Variants in SNX2 observed in about 807,000 individuals in gnomAD.
SNX2 encodes sorting nexin 2, also known as sorting nexin-2.
SNX2 carries 25 observed loss-of-function variants against 69.9 expected under a neutral mutation model. That is an observed-to-expected ratio of 0.36 (90% CI 0.26 to 0.50). The LOEUF (loss-of-function observed/expected upper bound fraction) is 0.50, where lower values mean the gene tolerates loss of function less well. SNX2 is among the 20% of genes least tolerant of loss of function. The pLI is 0.97. For synonymous variants in SNX2, 229 were observed against 200.4 expected (o/e 1.14, Z -1.20); for missense variants, 551 against 613.3 (o/e 0.90, Z 1.07).
At chr5:122,781,455 A>C (rs1752979646) in intron 1 of SNX2, among the ~76,000 whole-genome samples, 1 of 152,218 alleles carries the variant, frequency 6.6e-6, no homozygotes, top group Non-Finnish European at 1.5e-5. Flanking sequence ...TTTATGAATA[A>C]AGCAATATAA....
At chr5:122,811,792 G>A (rs995056256) in intron 7 of SNX2, among the ~76,000 whole-genome samples, 1 of 151,068 alleles carries the variant, frequency 6.6e-6, no homozygotes, top group African/African-American at 2.4e-5. Flanking sequence ...GTGCCACTGC[G>A]TTCCAGCCTG....
At chr5:122,818,472 G>C (rs910044247) in intron 10 of SNX2, among the ~76,000 whole-genome samples, 9 of 152,168 alleles carry the variant, frequency 5.9e-5, no homozygotes, top group African/African-American at 1.9e-4. Flanking sequence ...AGTATTACCA[G>C]TTCTTCTCAT....
At position 122,834,408 on chromosome 5, in the gene SNX2, A is replaced by T. The variant is rs1301131148; in HGVS notation, c.*4760A>T. ...GTAACTGAAGCCAGTCAAGGTGAAT[A>T]CACAGAAAATCATTTTCTTATTAAG... On this transcript the variant is annotated 3_prime_UTR_variant, in exon 15 of 15. Transcript: ENST00000379516. 1 of 152,352 alleles carries T rather than the reference A, an allele frequency of 6.6e-6. No individual in the cohort carries two copies. Among genetic ancestry groups the T allele is most frequent in the East Asian group, 1.9e-4 (1 of 5,192 alleles). 9.4% of individuals were successfully genotyped at this position (152,352 alleles called of 1,614,324 possible).
In SNX2 at chr5:122,833,794, T is replaced by C. The variant is rs1754347733; in HGVS notation, c.*4146T>C. ...TGTGGAAATGAAAATGCAGAGTAAGTCCAACAGCTAGTTTATCATCCTGAA... is the reference window on the plus strand; with the variant it reads ...TGTGGAAATGAAAATGCAGAGTAAGCCCAACAGCTAGTTTATCATCCTGAA... On this transcript the variant is annotated 3_prime_UTR_variant, in exon 15 of 15. Coordinates refer to ENST00000379516, the MANE Select transcript of SNX2 (RefSeq NM_003100.4). The C allele has an allele frequency of 6.6e-6, 1 of 151,804 alleles. No homozygotes were observed. Among genetic ancestry groups the C allele is most frequent in the Admixed American group, 6.6e-5 (1 of 15,244 alleles). 9.4% of individuals were successfully genotyped at this position (151,804 alleles called of 1,614,324 possible). A position where few individuals can be genotyped will look rare whatever the true frequency, so the allele number is the denominator to read the frequency against.
At position 122,830,348 on chromosome 5, in the gene SNX2, T is replaced by C. The variant is rs1429364069; in HGVS notation, c.*700T>C. On this transcript the variant is annotated 3_prime_UTR_variant, in exon 15 of 15. Coordinates refer to ENST00000379516, the MANE Select transcript of SNX2 (RefSeq NM_003100.4). Reference sequence around the variant, plus strand: ...GGGTAAAGAAGAGAATAATTGTCTTTGCTTGTTTTTAACCATCTCTATTAC... The same window carrying C: ...GGGTAAAGAAGAGAATAATTGTCTTCGCTTGTTTTTAACCATCTCTATTAC... 2.0e-5 allele frequency among the ~76,000 whole-genome samples: 3 copies of C among 152,186 alleles called. No homozygotes were observed. Among genetic ancestry groups the C allele is most frequent in the Non-Finnish European group, 2.9e-5 (2 of 68,012 alleles).
intron 2 of SNX2, among the ~76,000 whole-genome samples, chr5:122,796,540 A>G (rs1180868151): frequency 1.3e-5 from 2 of 152,214 alleles, no homozygotes; most frequent in African/African-American, 4.8e-5. Flanking sequence ...GTAATATTTC[A>G]GTATTTGTTA....
rs1388810103 is a variant in SNX2 at position 122,827,606 on chromosome 5, T to A, written c.1469T>A (p.Ile490Asn). The change falls in exon 14 of 15, where the codon ATC becomes AAC. Residue 490 changes from isoleucine (I) to asparagine (N), a missense_variant. This residue lies in a region of SNX2 where 360 missense variants were observed against 450.4 expected (regional missense o/e 0.80). Transcript: ENST00000379516. ...KERVKDFKTV[I>N]IKYLESLVQT... ...CGAGTGAAGGATTTTAAAACCGTTA[T>A]CATCAAGTACTTAGAATCACTAGTT... 1 of 1,613,478 alleles carries A rather than the reference T, an allele frequency of 6.2e-7. No homozygotes were observed. The highest frequency in any genetic ancestry group is 8.5e-7 in the Non-Finnish European group (1 of 1,179,574).
rs1448938010 is a variant in SNX2, at chr5:122,830,251, A to G, written c.*603A>G. 1 of 152,408 alleles carries G rather than the reference A, an allele frequency of 6.6e-6. No homozygotes were observed. Among genetic ancestry groups the G allele is most frequent in the African/African-American group, 2.4e-5 (1 of 41,456 alleles). The allele number at this position is 152,408 out of a possible 1,614,324, so 9.4% of individuals were successfully genotyped here. On this transcript the variant is annotated 3_prime_UTR_variant, in exon 15 of 15. Coordinates refer to ENST00000379516, the MANE Select transcript of SNX2 (RefSeq NM_003100.4). ...TAATTGACAAAGCTGAACTCATTAAATGACTAAATGAAGCTTAAGTTTTCT... is the reference window on the plus strand; with the variant it reads ...TAATTGACAAAGCTGAACTCATTAAGTGACTAAATGAAGCTTAAGTTTTCT...
intron 11 of SNX2, among the ~76,000 whole-genome samples, chr5:122,821,287 A>T (rs1414289016): frequency 2.0e-5 from 3 of 152,094 alleles, no homozygotes; most frequent in African/African-American, 7.2e-5. Flanking sequence ...AGAATTAGCT[A>T]TGCATGTACA....
chr5:122,806,103 T>TGTGTGC (rs1554063131), intron 6 of SNX2, among the ~76,000 whole-genome samples: 3 of 91,120 alleles, frequency 3.3e-5, no homozygotes, highest in Non-Finnish European at 6.6e-5. Flanking sequence ...TATGTGTGTG[T>TGTGTGC]GTGTGTGTGC....
chr5:122,811,042 A>G (rs192807855), intron 7 of SNX2, among the ~76,000 whole-genome samples: 37 of 149,772 alleles, frequency 2.5e-4, no homozygotes, highest in African/African-American at 9.1e-4. Flanking sequence ...GATATTTCTT[A>G]AACTTTAAAC....
chr5:122,786,994 T>A (rs1753105420), intron 1 of SNX2, among the ~76,000 whole-genome samples: 1 of 152,178 alleles, frequency 6.6e-6, no homozygotes, highest in Non-Finnish European at 1.5e-5. Context: ...AGAATACAGA[T>A]GTCTACTCAG....
intron 11 of SNX2, 124 bp from the exon 12 acceptor site, chr5:122,825,926 T>G: frequency 1.3e-6 from 1 of 784,000 alleles, no homozygotes; most frequent in South Asian, 3.7e-5. Context: ...TTTCAGTATC[T>G]TAGTATATTA....
intron 1 of SNX2, among the ~76,000 whole-genome samples, chr5:122,791,056 T>G (rs1226805470): frequency 6.6e-6 from 1 of 152,132 alleles, no homozygotes; most frequent in Admixed American, 6.5e-5. Flanking sequence ...AAGTTTTTTA[T>G]CATTAATAGA....
Position 122,817,319 on chromosome 5 carries a change from C to T in SNX2, c.952C>T (p.Gln318Ter). 1 of 1,613,976 alleles carries T rather than the reference C, an allele frequency of 6.2e-7. No individual in the cohort carries two copies. Among genetic ancestry groups the T allele is most frequent in the Non-Finnish European group, 8.5e-7 (1 of 1,179,936 alleles). ...EKQQQFENLD[Q>*]QLRKLHVSVE... ...GCAGCAGCAATTTGAGAATCTGGAT[C>T]AGCAACTTAGGAAACTTCATGTCAG... Residue 318 changes from glutamine (Q) to a stop codon, truncating the protein, a stop_gained, in exon 10 of 15, where the codon CAG becomes TAG. Transcript: ENST00000379516. LOFTEE classifies it high-confidence loss of function.
At chr5:122,817,402 A>T in intron 10 of SNX2, 29 bp downstream of exon 10, 1 of 1,401,164 alleles carries the variant, frequency 7.1e-7, no homozygotes, top group Non-Finnish European at 1.0e-6. Flanking sequence ...TTACGTAGTT[A>T]GCACCATAAA....
chr5:122,821,455 C>CTT (rs761842728), intron 11 of SNX2, among the ~76,000 whole-genome samples: 1 of 138,108 alleles, frequency 7.2e-6, no homozygotes, highest in African/African-American at 2.7e-5. Context: ...AAGTAGATGT[C>CTT]CTTTTTTTTT....
At chr5:122,812,782 C>T (rs563808144) in intron 7 of SNX2, among the ~76,000 whole-genome samples, 25 of 152,302 alleles carry the variant, frequency 1.6e-4, no homozygotes, top group Middle Eastern at 3.4e-3. Context: ...AGTAAGAGCT[C>T]AGTAAGTATT....
intron 6 of SNX2, among the ~76,000 whole-genome samples, chr5:122,807,348 A>G (rs537921648): frequency 1.3e-5 from 2 of 152,244 alleles, no homozygotes; most frequent in Admixed American, 1.3e-4. Flanking sequence ...ATTTTAGAAT[A>G]TTTTTATTAC....
Sources: gnomAD v4.1 joint callset for allele counts (sites outside exome capture counted in the v4.1 genomes callset) on GRCh38, gnomAD v4.1.1 for gene constraint, gnomAD v4.1.1 regional missense constraint, MANE v1.5 for transcripts, NCBI Gene and HGNC (gene_info 2026-07-23, HGNC 2026-07-21) for gene names.